The following PLEKHA1 variants were observed in gnomAD, a reference collection of about 807,000 sequenced individuals.
The protein encoded by PLEKHA1 is pleckstrin homology domain-containing family A member 1.
Under a neutral mutation model 52.0 loss-of-function variants are expected in PLEKHA1, and 34 were observed. The ratio of observed to expected loss-of-function variants is 0.65; its 90% CI spans 0.50 to 0.87. The LOEUF (loss-of-function observed/expected upper bound fraction) is 0.87. Among genes scored for constraint, PLEKHA1 ranks in the 40% least tolerant of loss-of-function variants. The pLI is 0.00. For synonymous variants in PLEKHA1, 163 were observed against 170.7 expected, an observed-to-expected ratio of 0.95 and a Z score of 0.35; for missense variants, 497 against 504.2, an observed-to-expected ratio of 0.99 and a Z score of 0.14.
At chr10:122,421,287 G>A (rs2097256723) in intron 8 of PLEKHA1, 1 of 152,086 alleles carries the variant, frequency 6.6e-6, no homozygotes. Flanking sequence ...CCATCATGAG[G>A]CACACCCAAA....
Position 122,427,010 on chromosome 10 carries a change from T to C in PLEKHA1, c.879T>C (p.Gly293=). 1 of 1,613,870 alleles carries C rather than the reference T, an allele frequency of 6.2e-7. No individual in the cohort carries two copies. The highest frequency in any genetic ancestry group is 8.5e-7 in the Non-Finnish European group (1 of 1,179,788). The change falls in exon 11 of 12, where the codon GGT becomes GGC. Residue 293 remains glycine, a synonymous_variant. Coordinates refer to ENST00000368990, the MANE Select transcript of PLEKHA1 (RefSeq NM_001001974.4). The part of the protein sequence containing the change: ...AVSGAIVAQR[G]PGRSASSEHP... ...CTGGCGCCATTGTAGCACAGCGGGG[T>C]CCCGGCAGATCTGCGTCTTCTGTAG...
the PLEKHA1 span, chr10:122,438,936 G>T: frequency 2.0e-5 from 3 of 152,158 alleles, no homozygotes; most frequent in African/African-American, 7.2e-5. Context: ...GTGTTGGGCC[G>T]CATTCAAAGC....
At chr10:122,422,366 A>T (rs1228998352) in intron 8 of PLEKHA1, 4 of 152,236 alleles carry the variant, frequency 2.6e-5, no homozygotes, top group Non-Finnish European at 5.9e-5. Context: ...GACAAAGGGA[A>T]AAAGTAATTT....
chr10:122,436,773 G>C (rs1428960126), downstream of PLEKHA1: 1 of 152,106 alleles, frequency 6.6e-6, no homozygotes, highest in Non-Finnish European at 1.5e-5. Context: ...TCCCATGAGA[G>C]AAAAAGGTAC....
At chr10:122,375,421 C>A (rs1388073366) in intron 1 of PLEKHA1, among the ~76,000 whole-genome samples, 1 of 152,246 alleles carries the variant, frequency 6.6e-6, no homozygotes, top group East Asian at 1.9e-4. Context: ...ACCTTCGGGG[C>A]AGGTGGCCAG....
rs1021364120 is a variant in PLEKHA1, at chr10:122,431,797, A to G, written c.*1859A>G. On this transcript the variant is annotated 3_prime_UTR_variant, in exon 12 of 12. Coordinates refer to ENST00000368990, the MANE Select transcript of PLEKHA1 (RefSeq NM_001001974.4). ...GTGATAGAATAAAGAGATTTTAATG[A>G]GTTATCACTTTTTCAGCTGATATAT... 2.6e-5 allele frequency: 4 copies of G among 152,260 alleles called. No homozygotes were observed. Among genetic ancestry groups the G allele is most frequent in the African/African-American group, 9.7e-5 (4 of 41,260 alleles). 9.4% of individuals were successfully genotyped at this position (152,260 alleles called of 1,614,324 possible). A position where few individuals can be genotyped will look rare whatever the true frequency, so the allele number is the denominator to read the frequency against.
rs1368904694 is a variant in PLEKHA1, at chr10:122,428,218, T to C, written c.900+1187T>C. ...TATGACTGTCAGCACAACTTTCTCT[T>C]TTCCTCCCTCTACCCAGTATAGGTT... On this transcript the variant is annotated intron_variant, in intron 11 of 11. Transcript: ENST00000368990. 1.2e-5 allele frequency: 17 copies of C among 1,401,036 alleles called. No homozygotes were observed. The East Asian group carries it at 3.3e-4, about 27-fold the overall frequency. 86.8% of individuals were successfully genotyped at this position (1,401,036 alleles called of 1,614,324 possible). A position where few individuals can be genotyped will look rare whatever the true frequency, so the allele number is the denominator to read the frequency against.
chr10:122,401,356 A>G (rs2096926340), intron 4 of PLEKHA1, among the ~76,000 whole-genome samples: 1 of 152,124 alleles, frequency 6.6e-6, no homozygotes, highest in Admixed American at 6.6e-5. Flanking sequence ...TGCATAGGAA[A>G]GTTTTGATAT....
At chr10:122,378,131 A>C (rs987764938) in intron 1 of PLEKHA1, among the ~76,000 whole-genome samples, 1 of 152,200 alleles carries the variant, frequency 6.6e-6, no homozygotes, top group Non-Finnish European at 1.5e-5. Context: ...AAAGACGATC[A>C]CAGGCACTAG....
At chr10:122,436,505 A>G (rs887403100), downstream of PLEKHA1, 41 of 152,382 alleles carry the variant, frequency 2.7e-4, no homozygotes, top group African/African-American at 9.9e-4. Context: ...ATCACTTGGT[A>G]TAGGCTAACA....
chr10:122,420,743 T>C (rs1029144357), intron 8 of PLEKHA1: 1 of 152,146 alleles, frequency 6.6e-6, no homozygotes. Flanking sequence ...CAGACTCTAA[T>C]TTATTAGGTG....
chr10:122,398,076 T>A lies in PLEKHA1; in HGVS notation c.198+102T>A. 4.5e-6 allele frequency: 4 copies of A among 886,938 alleles called. No homozygotes were observed. The South Asian group carries it at 7.1e-5, about 16-fold the overall frequency. 54.9% of individuals were successfully genotyped at this position (886,938 alleles called of 1,614,324 possible). ...TCCTTTCCATGTCCTTTAACAGTGA[T>A]GTTCAGATTCCTATCATACTGAAAT... On this transcript the variant is annotated intron_variant, in intron 3 of 11. Coordinates refer to ENST00000368990, the MANE Select transcript of PLEKHA1 (RefSeq NM_001001974.4).
In PLEKHA1 at chr10:122,429,746, G is replaced by A. The variant is rs2097399854; in HGVS notation, c.1023G>A (p.Lys341=). The part of the protein sequence containing the change: ...NSLVSTFTME[K]RGFYESLAKV... Reference sequence around the variant, plus strand: ...TGGTCTCAACCTTTACCATGGAGAAGCGAGGATTTTACGAGTCTCTTGCCA... The same window carrying A: ...TGGTCTCAACCTTTACCATGGAGAAACGAGGATTTTACGAGTCTCTTGCCA... The change falls in exon 12 of 12, where the codon AAG becomes AAA. Residue 341 remains lysine, a synonymous_variant. Transcript: ENST00000368990. The A allele has an allele frequency of 6.2e-7, 1 of 1,614,150 alleles. No individual in the cohort carries two copies. Among genetic ancestry groups the A allele is most frequent in the Non-Finnish European group, 8.5e-7 (1 of 1,180,036 alleles).
chr10:122,434,150 A>G (rs767018588), downstream of PLEKHA1: 1 of 152,150 alleles, frequency 6.6e-6, no homozygotes, highest in Non-Finnish European at 1.5e-5. Context: ...GATTGTTACC[A>G]TGGTGTTTGT....
At chr10:122,397,366 T>C (rs1270613498) in intron 2 of PLEKHA1, among the ~76,000 whole-genome samples, 1 of 152,070 alleles carries the variant, frequency 6.6e-6, no homozygotes, top group Non-Finnish European at 1.5e-5. Context: ...TGTGTGAAAG[T>C]GCCTACATTC....
chr10:122,420,434 T>G (rs1000818286), intron 8 of PLEKHA1: 4 of 152,190 alleles, frequency 2.6e-5, no homozygotes, highest in African/African-American at 9.6e-5. Flanking sequence ...ATGTCATAAT[T>G]GTTAACACAT....
rs2096915668 is a variant in PLEKHA1 at position 122,400,688 on chromosome 10, C to T, written c.244+300C>T. The stretch of plus-strand genomic sequence containing the variant: ...GAGATTTCAGGGAATTTTAAACTTT[C>T]TACGTCATGTTATTCTATATTAAAC... On this transcript the variant is annotated intron_variant, in intron 4 of 11. Transcript: ENST00000368990. 1.3e-5 allele frequency among the ~76,000 whole-genome samples: 2 copies of T among 152,256 alleles called. 1 individual carries two copies. Among genetic ancestry groups the T allele is most frequent in the South Asian group, 4.2e-4 (2 of 4,816 alleles).
At chr10:122,409,655 T>C (rs1396762940) in intron 5 of PLEKHA1, among the ~76,000 whole-genome samples, 2 of 152,324 alleles carry the variant, frequency 1.3e-5, no homozygotes, top group Non-Finnish European at 2.9e-5. Context: ...TTTGATATAT[T>C]TTTAATAGAA....
At chr10:122,399,914 CCT>C (rs1358845710) in intron 3 of PLEKHA1, among the ~76,000 whole-genome samples, 1 of 152,156 alleles carries the variant, frequency 6.6e-6, no homozygotes. Context: ...TACACAGTCT[CCT>C]CTTTACCCAG....
Sources: allele counts gnomAD v4.1 joint callset (sites outside exome capture counted in the v4.1 genomes callset), GRCh38; gene constraint gnomAD v4.1.1; transcripts MANE v1.5; gene names NCBI Gene and HGNC (gene_info 2026-07-23, HGNC 2026-07-21).